The following ATP8A2 variants were observed in gnomAD, a reference collection of about 807,000 sequenced individuals.
ATP8A2 encodes ATPase phospholipid transporting 8A2.
ATP8A2 carries 100 observed loss-of-function variants against 165.6 expected under a neutral mutation model. That is an observed-to-expected ratio of 0.60 (90% CI 0.51 to 0.71). The LOEUF (loss-of-function observed/expected upper bound fraction) is 0.71. ATP8A2 is among the 30% of genes least tolerant of loss of function. The pLI is 0.00. For synonymous variants in ATP8A2, 543 were observed against 548.8 expected (o/e 0.99, Z 0.15); for missense variants, 1,227 against 1,479.5 (o/e 0.83, Z 2.80).
chr13:25,870,869 G>A (rs1952656817), intron 33 of ATP8A2, among the ~76,000 whole-genome samples: 1 of 152,202 alleles, frequency 6.6e-6, no homozygotes. Context: ...GAAGGAATAA[G>A]CAGACTTTGT....
At chr13:25,695,145 T>G (rs58896844) in intron 24 of ATP8A2, among the ~76,000 whole-genome samples, 1 of 151,822 alleles carries the variant, frequency 6.6e-6, no homozygotes, top group Non-Finnish European at 1.5e-5. Flanking sequence ...TTTTTTTTTT[T>G]GGTTTTCCAG....
chr13:25,843,926 A>G (rs1019311330), intron 30 of ATP8A2, among the ~76,000 whole-genome samples: 2 of 152,178 alleles, frequency 1.3e-5, no homozygotes, highest in Non-Finnish European at 2.9e-5. Flanking sequence ...ACTTTTTCTC[A>G]GGGCAGGGTT....
chr13:26,010,500 C>T (rs1956824176), intron 35 of ATP8A2, among the ~76,000 whole-genome samples: 1 of 152,252 alleles, frequency 6.6e-6, no homozygotes, highest in Admixed American at 6.5e-5. Context: ...TGAGGGGCCC[C>T]CTCTGCACAC....
In ATP8A2 at chr13:25,372,391, C is replaced by T. The variant is rs1321891295; in HGVS notation, c.76+103C>T. 7.0e-6 allele frequency: 5 copies of T among 717,828 alleles called. No homozygotes were observed. Among genetic ancestry groups the T allele is most frequent in the Non-Finnish European group, 9.8e-6 (5 of 512,250 alleles). 44.5% of individuals were successfully genotyped at this position (717,828 alleles called of 1,614,324 possible). A position where few individuals can be genotyped will look rare whatever the true frequency, so the allele number is the denominator to read the frequency against. On this transcript the variant is annotated intron_variant, in intron 1 of 36. Transcript: ENST00000381655. This position sits in a 1 kb window ranked among gnomAD's most constrained non-coding sequence, Gnocchi z 4.8. ...ACTGCCCCGCCCGCGCCCCGCTCCC[C>T]TCCCTGGGCTCCCTGGGCTCTCTGG...
chr13:25,791,263 C>T (rs1232585408), intron 27 of ATP8A2, among the ~76,000 whole-genome samples: 2 of 152,048 alleles, frequency 1.3e-5, no homozygotes, highest in South Asian at 2.1e-4. Flanking sequence ...AGGCCATTAT[C>T]GTTGGCAAAC....
intron 1 of ATP8A2, among the ~76,000 whole-genome samples, chr13:25,401,730 C>T (rs1362620836): frequency 1.3e-5 from 2 of 152,162 alleles, no homozygotes; most frequent in African/African-American, 2.4e-5. Context: ...AAACACTATG[C>T]TTCTTCCTGC....
At chr13:25,500,655 G>A (rs1593408976) in intron 2 of ATP8A2, among the ~76,000 whole-genome samples, 1 of 152,012 alleles carries the variant, frequency 6.6e-6, no homozygotes, top group Non-Finnish European at 1.5e-5. Flanking sequence ...GTGCGATCTT[G>A]GCTTACCCCA....
At chr13:25,877,026 T>G (rs537191021) in intron 33 of ATP8A2, among the ~76,000 whole-genome samples, 1 of 152,238 alleles carries the variant, frequency 6.6e-6, no homozygotes, top group African/African-American at 2.4e-5. Flanking sequence ...GGATTTATTT[T>G]TATTTAAAAA....
intron 24 of ATP8A2, among the ~76,000 whole-genome samples, chr13:25,676,826 T>C (rs1030028295): frequency 3.3e-5 from 5 of 152,184 alleles, no homozygotes; most frequent in Non-Finnish European, 1.5e-5. Flanking sequence ...TAAAATCTCT[T>C]ATTGGTAGAG....
intron 35 of ATP8A2, among the ~76,000 whole-genome samples, chr13:26,009,567 G>A (rs981681572): frequency 1.3e-4 from 20 of 152,202 alleles, no homozygotes; most frequent in African/African-American, 4.3e-4. Flanking sequence ...ATGGAGCTCA[G>A]GATGGAGTCA....
intron 8 of ATP8A2, 53 bp downstream of exon 8, chr13:25,540,441 T>C (rs2038436294): frequency 1.6e-6 from 2 of 1,245,408 alleles, no homozygotes; most frequent in African/African-American, 3.0e-5. Flanking sequence ...ACTGCAAATG[T>C]GGTCCCCACA....
chr13:25,589,282 G>A (rs2040005053), intron 23 of ATP8A2, among the ~76,000 whole-genome samples: 1 of 152,170 alleles, frequency 6.6e-6, no homozygotes, highest in Non-Finnish European at 1.5e-5. Flanking sequence ...GTGGGTGTGT[G>A]TGTGCTGATT....
At chr13:25,480,021 G>A (rs1336772143) in intron 2 of ATP8A2, among the ~76,000 whole-genome samples, 2 of 152,224 alleles carry the variant, frequency 1.3e-5, no homozygotes, top group Non-Finnish European at 2.9e-5. Context: ...CCTCCCGGAC[G>A]GGGTGGTGGC....
intron 1 of ATP8A2, 108 bp from the exon 2 acceptor site, chr13:25,468,869 G>T (rs2035752762): frequency 1.3e-6 from 2 of 1,534,704 alleles, no homozygotes; most frequent in Admixed American, 1.9e-5. Context: ...CCTCACCCGA[G>T]CATCCTTCCC....
intron 24 of ATP8A2, among the ~76,000 whole-genome samples, chr13:25,647,865 T>C (rs549735135): frequency 2.6e-4 from 39 of 151,878 alleles, no homozygotes; most frequent in Non-Finnish European, 4.7e-4. Context: ...TTTTTTGTAT[T>C]TTTAGTAGAG....
chr13:25,968,138 C>G (rs1405061922), intron 34 of ATP8A2, among the ~76,000 whole-genome samples: 1 of 152,206 alleles, frequency 6.6e-6, no homozygotes, highest in Non-Finnish European at 1.5e-5. Context: ...AGGAAACTTG[C>G]TAACCCCTGG....
chr13:25,477,703 G>A (rs74679232), intron 2 of ATP8A2, among the ~76,000 whole-genome samples: 1 of 152,244 alleles, frequency 6.6e-6, no homozygotes, highest in Admixed American at 6.5e-5. Context: ...TTGGGAGGCC[G>A]AGGCAGGCAG....
At chr13:25,495,020 G>A (rs566537039) in intron 2 of ATP8A2, among the ~76,000 whole-genome samples, 8 of 152,168 alleles carry the variant, frequency 5.3e-5, no homozygotes, top group South Asian at 2.1e-4. Flanking sequence ...AGGTGTCTCC[G>A]CAGATTTCCC....
At chr13:25,645,583 G>A (rs2041651485) in intron 24 of ATP8A2, among the ~76,000 whole-genome samples, 1 of 152,092 alleles carries the variant, frequency 6.6e-6, no homozygotes, top group Admixed American at 6.6e-5. Context: ...AACTGTTTTT[G>A]CTGCATCCCA....
Sources: allele counts gnomAD v4.1 joint callset (sites outside exome capture counted in the v4.1 genomes callset), GRCh38; gene constraint gnomAD v4.1.1; non-coding constraint Gnocchi (gnomAD v3.1); transcripts MANE v1.5; gene names NCBI Gene and HGNC (gene_info 2026-07-23, HGNC 2026-07-21).